CFAP20DC: variants seen among roughly 807,000 people sequenced by gnomAD.
CFAP20DC encodes the protein protein CFAP20DC.
CFAP20DC carries 84 observed loss-of-function variants against 101.7 expected under a neutral mutation model. That is an observed-to-expected ratio of 0.83 (90% CI 0.69 to 0.99). The LOEUF is 0.99. Among genes scored for constraint, CFAP20DC ranks in the 50% least tolerant of loss-of-function variants. The pLI is 0.00. For synonymous variants in CFAP20DC, 359 were observed against 351.2 expected (o/e 1.02, Z -0.25); for missense variants, 1,007 against 970.3 (o/e 1.04, Z -0.50).
At chr3:58,779,631 G>A (rs995322414) in intron 15 of CFAP20DC, among the ~76,000 whole-genome samples, 1 of 152,006 alleles carries the variant, frequency 6.6e-6, no homozygotes. Context: ...AGAACTGAAA[G>A]GTAGCTATTT....
intron 6 of CFAP20DC, among the ~76,000 whole-genome samples, chr3:58,890,221 G>A (rs1460554113): frequency 4.7e-5 from 7 of 150,020 alleles, no homozygotes; most frequent in Admixed American, 6.6e-5. Flanking sequence ...GCGGCTGGCC[G>A]GGCAGAGGGG....
At position 58,784,636 on chromosome 3, in the gene CFAP20DC, A is replaced by G. The variant is rs193107302; in HGVS notation, c.2237+21759T>C. On this transcript the variant is annotated intron_variant, in intron 15 of 16. Transcript: ENST00000482387. ...AGTGCTGTGATGAACATGACAGCGC[A>G]TGTGTCTTTTTGGAAGAATGGTTTG... 7.8e-4 allele frequency among the ~76,000 whole-genome samples: 118 copies of G among 152,210 alleles called. 1 individual carries two copies. The highest frequency in any genetic ancestry group is 2.7e-3 in the African/African-American group (114 of 41,560).
intron 4 of CFAP20DC, among the ~76,000 whole-genome samples, chr3:59,005,841 A>G (rs1559978236): frequency 6.6e-6 from 1 of 152,190 alleles, no homozygotes; most frequent in Non-Finnish European, 1.5e-5. Flanking sequence ...TCTAGATTTG[A>G]TGAGGCTGAA....
chr3:58,932,205 A>T (rs1470317026), intron 5 of CFAP20DC, among the ~76,000 whole-genome samples: 4 of 152,186 alleles, frequency 2.6e-5, no homozygotes, highest in Non-Finnish European at 4.4e-5. Flanking sequence ...AAATGAAGTG[A>T]GTAGGGAAGT....
chr3:59,020,618 G>A (rs553727829), intron 4 of CFAP20DC, among the ~76,000 whole-genome samples: 57 of 152,056 alleles, frequency 3.7e-4, no homozygotes, highest in Non-Finnish European at 7.2e-4. Flanking sequence ...CTTTTACGTA[G>A]GAGATTGAAT....
chr3:58,832,674 T>C (rs1288561654), intron 13 of CFAP20DC, among the ~76,000 whole-genome samples: 2 of 152,144 alleles, frequency 1.3e-5, no homozygotes, highest in African/African-American at 4.8e-5. Flanking sequence ...CCAACCAAGG[T>C]GGATTTACTG....
intron 12 of CFAP20DC, among the ~76,000 whole-genome samples, chr3:58,858,979 TG>T (rs1339211732): frequency 3.9e-4 from 60 of 152,342 alleles, no homozygotes; most frequent in African/African-American, 1.3e-3. Flanking sequence ...GCAATTCAAA[TG>T]TATCTTAAAA....
intron 4 of CFAP20DC, among the ~76,000 whole-genome samples, chr3:58,994,514 T>A (rs1188043224): frequency 6.6e-6 from 1 of 152,152 alleles, no homozygotes; most frequent in Non-Finnish European, 1.5e-5. Context: ...CCAAGCAAAT[T>A]GGTGTCAGAG....
intron 15 of CFAP20DC, among the ~76,000 whole-genome samples, chr3:58,768,227 A>G (rs765280482): frequency 2.0e-5 from 3 of 152,188 alleles, no homozygotes; most frequent in Non-Finnish European, 2.9e-5. Context: ...GATTCTCACA[A>G]TGAAGATGGG....
chr3:58,766,097 T>C lies in CFAP20DC; in HGVS notation c.2238-12234A>G, dbSNP rs185802771. On this transcript the variant is annotated intron_variant, in intron 15 of 16. Transcript: ENST00000482387. The stretch of plus-strand genomic sequence containing the variant: ...TTCAAGTAGTGAAAAATCCATGCTT[T>C]GCAAAGTTTTTCTGTAAAGGGCCAG... 1.1e-4 allele frequency among the ~76,000 whole-genome samples: 17 copies of C among 152,332 alleles called. No homozygotes were observed. The East Asian group carries it at 2.9e-3, about 26-fold the overall frequency.
At position 58,863,402 on chromosome 3, in the gene CFAP20DC, T is replaced by C; in HGVS notation, c.1593+156A>G. ...AAAAAAAGACAGTTTAAAGTTACCA[T>C]AACAACCTGATGCAACTGTGGACTG... On this transcript the variant is annotated intron_variant, in intron 12 of 16. Transcript: ENST00000482387. The surrounding 1 kb of genome is among the most constrained non-coding windows in gnomAD (Gnocchi z 5.9). The C allele has an allele frequency of 7.0e-7, 1 of 1,424,424 alleles. No individual in the cohort carries two copies. The highest frequency in any genetic ancestry group is 9.1e-7 in the Non-Finnish European group (1 of 1,094,692). 88.2% of individuals were successfully genotyped at this position (1,424,424 alleles called of 1,614,324 possible). A position where few individuals can be genotyped will look rare whatever the true frequency, so the allele number is the denominator to read the frequency against.
At chr3:58,982,143 C>A (rs1489898594) in intron 4 of CFAP20DC, among the ~76,000 whole-genome samples, 4 of 152,172 alleles carry the variant, frequency 2.6e-5, no homozygotes, top group Non-Finnish European at 5.9e-5. Flanking sequence ...AAATGCAAAT[C>A]AAAACCACAA....
chr3:59,013,672 T>C (rs759855153), intron 4 of CFAP20DC, among the ~76,000 whole-genome samples: 9 of 152,178 alleles, frequency 5.9e-5, no homozygotes, highest in Non-Finnish European at 1.2e-4. Context: ...CCAGGAATAG[T>C]AGGATAAGCC....
At chr3:58,948,916 TC>T (rs1391454749) in intron 4 of CFAP20DC, among the ~76,000 whole-genome samples, 7 of 152,194 alleles carry the variant, frequency 4.6e-5, no homozygotes, top group African/African-American at 1.4e-4. Flanking sequence ...ATCCTTCTGG[TC>T]CTGGACTTTT....
rs2093651263 is a variant in CFAP20DC at position 59,014,539 on chromosome 3, G to A, written c.278+25018C>T. ...TTGAAAAGCCTGAATTTTTCTGACA[G>A]TACTTGCAGTTAAATTTTATTTAAG... On this transcript the variant is annotated intron_variant, in intron 4 of 16. Coordinates refer to ENST00000482387, the MANE Select transcript of CFAP20DC (RefSeq NM_001394063.1). This position sits in a 1 kb window ranked among gnomAD's most constrained non-coding sequence, Gnocchi z 4.9. Among the ~76,000 whole-genome samples the A allele has an allele frequency of 6.6e-6, 1 of 152,176 alleles. No individual in the cohort carries two copies. The highest frequency in any genetic ancestry group is 6.6e-5 in the Admixed American group (1 of 15,264).
chr3:59,031,046 T>C (rs1179895402), intron 4 of CFAP20DC, among the ~76,000 whole-genome samples: 1 of 151,278 alleles, frequency 6.6e-6, no homozygotes, highest in East Asian at 2.0e-4. Flanking sequence ...ATAGTCTCGA[T>C]CTCCTGACCT....
intron 5 of CFAP20DC, among the ~76,000 whole-genome samples, chr3:58,933,893 C>G (rs945703983): frequency 5.5e-4 from 83 of 151,870 alleles, no homozygotes; most frequent in African/African-American, 1.8e-3. Context: ...CATTCAAAAG[C>G]TAGCAGAAGG....
chr3:58,895,463 C>T (rs972536404), intron 6 of CFAP20DC, among the ~76,000 whole-genome samples: 9 of 152,190 alleles, frequency 5.9e-5, no homozygotes, highest in Non-Finnish European at 1.0e-4. Flanking sequence ...ACAAGAATCA[C>T]CTTTGCTCCA....
intron 4 of CFAP20DC, among the ~76,000 whole-genome samples, chr3:58,969,563 A>C (rs1016144935): frequency 3.3e-5 from 5 of 152,222 alleles, no homozygotes; most frequent in African/African-American, 7.2e-5. Context: ...AAATGGAAAC[A>C]ACCCAAATGT....
Sources: gnomAD v4.1 joint callset for allele counts (sites outside exome capture counted in the v4.1 genomes callset) on GRCh38, gnomAD v4.1.1 for gene constraint, Gnocchi (gnomAD v3.1) non-coding constraint, MANE v1.5 for transcripts, NCBI Gene and HGNC (gene_info 2026-07-23, HGNC 2026-07-21) for gene names.